The following DNAAF4 variants were observed in gnomAD, a reference collection of about 807,000 sequenced individuals.
DNAAF4 encodes dynein axonemal assembly factor 4.
In DNAAF4, 43 loss-of-function variants were observed where a neutral mutation model predicts 51.8. That is an observed-to-expected ratio of 0.83 (90% CI 0.65 to 1.07). DNAAF4 has a LOEUF of 1.07. DNAAF4 is among the 50% of genes least tolerant of loss of function. DNAAF4 has a pLI of 0.00. For missense variants in DNAAF4, 581 were observed against 493.0 expected, an observed-to-expected ratio of 1.18 and a Z score of -1.69; for synonymous variants, 194 against 165.6, an observed-to-expected ratio of 1.17 and a Z score of -1.32.
intron 5 of DNAAF4, among the ~76,000 whole-genome samples, chr15:55,465,913 A>G (rs2058164777): frequency 6.6e-6 from 1 of 152,122 alleles, no homozygotes; most frequent in Non-Finnish European, 1.5e-5. Context: ...ATGCCAAGGC[A>G]TAAGAATGAT....
intron 6 of DNAAF4, among the ~76,000 whole-genome samples, chr15:55,444,128 T>C (rs555183057): frequency 0.077 from 11,773 of 152,210 alleles, 805 homozygotes; most frequent in African/African-American, 0.19. Flanking sequence ...CATGCCTATG[T>C]CCTGAATGGT....
intron 6 of DNAAF4, among the ~76,000 whole-genome samples, chr15:55,441,698 A>G (rs1003144891): frequency 7.2e-5 from 11 of 152,234 alleles, no homozygotes; most frequent in Non-Finnish European, 1.5e-4. Flanking sequence ...TTTGCTGAGA[A>G]TGATGGTTTC....
chr15:55,469,645 G>A (rs1368146604), intron 4 of DNAAF4, among the ~76,000 whole-genome samples: 7 of 151,304 alleles, frequency 4.6e-5, no homozygotes, highest in African/African-American at 1.7e-4. Flanking sequence ...ACCACACCTG[G>A]CTAATTTATT....
chr15:55,443,261 C>A, intron 6 of DNAAF4: 1 of 1,588,614 alleles, frequency 6.3e-7, no homozygotes, highest in Non-Finnish European at 8.6e-7. Flanking sequence ...GACCTCAGCG[C>A]GGGTTGCGGC....
intron 5 of DNAAF4, among the ~76,000 whole-genome samples, chr15:55,463,109 G>A (rs1451166771): frequency 6.6e-6 from 1 of 151,620 alleles, no homozygotes; most frequent in African/African-American, 2.4e-5. Context: ...GGGAGGCAGA[G>A]GTTGCAGTGA....
chr15:55,426,939 CCCCCAAAG>C (rs1390535443), downstream of DNAAF4, among the ~76,000 whole-genome samples: 1 of 152,184 alleles, frequency 6.6e-6, no homozygotes, highest in Non-Finnish European at 1.5e-5. Context: ...GTTTTTGTAA[CCCCCAAAG>C]GGGTTTACTC....
rs766152423 is a variant in DNAAF4, at chr15:55,497,802, T to G, written c.181A>C (p.Ser61Arg). The change falls in exon 3 of 10, where the codon AGC becomes CGC. Residue 61 changes from serine (S) to arginine (R), a missense_variant. Transcript: ENST00000321149. ...AFLYAPIDDE[S>R]SKAKIGNDTI... ...TCATTCCCAATCTTTGCTTTGCTGCTCTCATCGTCTATGGGAGCATAAAGA... is the reference window on the plus strand; with the variant it reads ...TCATTCCCAATCTTTGCTTTGCTGCGCTCATCGTCTATGGGAGCATAAAGA... The G allele has an allele frequency of 6.2e-7, 1 of 1,614,114 alleles. No homozygotes were observed. The highest frequency in any genetic ancestry group is 8.5e-7 in the Non-Finnish European group (1 of 1,180,008).
intron 3 of DNAAF4, among the ~76,000 whole-genome samples, chr15:55,493,893 G>T (rs556222031): frequency 5.3e-5 from 8 of 151,312 alleles, no homozygotes; most frequent in Admixed American, 1.3e-4. Context: ...TAATAGAGGT[G>T]AAGTCTCCCT....
intron 8 of DNAAF4, 125 bp from the exon 9 acceptor site, chr15:55,432,727 C>T (rs2057516119): frequency 1.4e-6 from 1 of 702,678 alleles, no homozygotes; most frequent in African/African-American, 1.8e-5. Context: ...AGGTGGATCA[C>T]CTGAAGTCAG....
intron 4 of DNAAF4, among the ~76,000 whole-genome samples, chr15:55,473,351 G>GTA (rs1211531385): frequency 7.4e-6 from 1 of 135,520 alleles, no homozygotes; most frequent in Non-Finnish European, 1.5e-5. Flanking sequence ...ATATATGTGT[G>GTA]TATATATATG....
chr15:55,490,933 GAC>G (rs1197754731), intron 4 of DNAAF4, 188 bp downstream of exon 4: 37 of 543,640 alleles, frequency 6.8e-5, no homozygotes, highest in Admixed American at 3.7e-4. Flanking sequence ...CAGCCTGGGC[GAC>G]AGAGTGAGAC....
intron 2 of DNAAF4, 38 bp from the exon 3 acceptor site, chr15:55,497,897 C>T (rs1036159340): frequency 2.6e-6 from 4 of 1,567,672 alleles, no homozygotes; most frequent in East Asian, 2.3e-5. Context: ...AAGTTAGTTA[C>T]ACAAATTAAG....
At chr15:55,418,610 G>A in intron 7 of DNAAF4, 5 of 1,264,566 alleles carry the variant, frequency 4.0e-6, no homozygotes, top group South Asian at 3.2e-5. Context: ...AATATACTCG[G>A]GAAAAATGAG....
At position 55,430,518 on chromosome 15, in the gene DNAAF4, T is replaced by C; in HGVS notation, c.*152A>G. On this transcript the variant is annotated 3_prime_UTR_variant, in exon 10 of 10. Transcript: ENST00000321149. ...TTCAGAAATGATTCAAGTCAAACAG[T>C]TTATTTTCTATAGATTTATAATATT... is the stretch of plus-strand genomic sequence containing the variant. 8.1e-7 allele frequency: 1 copy of C among 1,241,704 alleles called. No homozygotes were observed. Among genetic ancestry groups the C allele is most frequent in the East Asian group, 3.4e-5 (1 of 29,630 alleles). The allele number at this position is 1,241,704 out of a possible 1,614,324, so 76.9% of individuals were successfully genotyped here. A position where few individuals can be genotyped will look rare whatever the true frequency, so the allele number is the denominator to read the frequency against.
At chr15:55,486,863 C>A (rs930666714) in intron 4 of DNAAF4, among the ~76,000 whole-genome samples, 1 of 151,998 alleles carries the variant, frequency 6.6e-6, no homozygotes, top group Non-Finnish European at 1.5e-5. Context: ...TCAATCTTCT[C>A]TCTTCATTGT....
At chr15:55,458,549 CA>C (rs1402508796) in intron 5 of DNAAF4, among the ~76,000 whole-genome samples, 2 of 152,048 alleles carry the variant, frequency 1.3e-5, no homozygotes, top group Admixed American at 6.6e-5. Flanking sequence ...ATTATGTAAA[CA>C]AGCAAACATA....
intron 6 of DNAAF4, chr15:55,442,912 G>C (rs2141432714): frequency 1.9e-6 from 3 of 1,612,080 alleles, no homozygotes; most frequent in Non-Finnish European, 2.5e-6. Flanking sequence ...AATCAATCCA[G>C]GTGGTCCTTC....
At chr15:55,421,831 G>A (rs2057390480) in intron 7 of DNAAF4, among the ~76,000 whole-genome samples, 2 of 151,300 alleles carry the variant, frequency 1.3e-5, no homozygotes, top group Non-Finnish European at 2.9e-5. Context: ...GGAGGTTGCG[G>A]TGAGCCGATA....
At chr15:55,477,214 T>C (rs973717791) in intron 4 of DNAAF4, among the ~76,000 whole-genome samples, 9 of 151,970 alleles carry the variant, frequency 5.9e-5, no homozygotes, top group African/African-American at 1.9e-4. Context: ...AGATGGTTAG[T>C]AGTGATGGTT....
Sources: gnomAD v4.1 joint callset for allele counts (sites outside exome capture counted in the v4.1 genomes callset) on GRCh38, gnomAD v4.1.1 for gene constraint, MANE v1.5 for transcripts, NCBI Gene and HGNC (gene_info 2026-07-23, HGNC 2026-07-21) for gene names.